RASGRP1: variants seen among roughly 807,000 people sequenced by gnomAD.
The protein encoded by RASGRP1 is RAS guanyl releasing protein 1.
In RASGRP1, 37 loss-of-function variants were observed where a neutral mutation model predicts 95.1. The observed-to-expected ratio is 0.39, with a 90% CI of 0.30 to 0.51. The LOEUF is 0.51. Among genes scored for constraint, RASGRP1 ranks in the 20% least tolerant of loss-of-function variants. The pLI, the probability that RASGRP1 is intolerant of heterozygous loss-of-function variation, is 0.80. For missense variants in RASGRP1, 711 were observed against 965.4 expected (o/e 0.74, Z 3.49); for synonymous variants, 325 against 353.4 (o/e 0.92, Z 0.90).
chr15:38,560,601 T>G (rs375412964), intron 1 of RASGRP1, among the ~76,000 whole-genome samples: 1 of 152,322 alleles, frequency 6.6e-6, no homozygotes, highest in East Asian at 1.9e-4. Flanking sequence ...AGGACTCAAG[T>G]GCAGGAAGTG....
chr15:38,501,247 T>G lies in RASGRP1; in HGVS notation c.1579A>C (p.Met527Leu). 1 of 1,612,988 alleles carries G rather than the reference T, an allele frequency of 6.2e-7. No homozygotes were observed. Among genetic ancestry groups the G allele is most frequent in the South Asian group, 1.1e-5 (1 of 90,984 alleles). ...ISRDEITAYF[M>L]RASSIYSKLG... is the part of the protein sequence containing the mutation. ...TTGGAATAGATTGAGCTGGCTCTCA[T>G]GAAGTAGGCTGTGATCTCATCCCTG... is the stretch of plus-strand genomic sequence containing the variant. Residue 527 changes from methionine (M) to leucine (L), a missense_variant, in exon 13 of 17, where the codon ATG (methionine) becomes CTG (leucine). By Grantham distance (15) the Met-to-Leu change is conservative (BLOSUM62 2). Coordinates refer to ENST00000310803, the MANE Select transcript of RASGRP1 (RefSeq NM_005739.4).
intron 2 of RASGRP1, among the ~76,000 whole-genome samples, chr15:38,535,046 T>C (rs745603327): frequency 6.6e-6 from 1 of 152,206 alleles, no homozygotes; most frequent in Admixed American, 6.5e-5. Flanking sequence ...ATGTTACGTT[T>C]TTGTGGCACT....
intron 16 of RASGRP1, 114 bp from the exon 17 acceptor site, chr15:38,490,802 A>G (rs1890545089): frequency 1.8e-6 from 2 of 1,132,120 alleles, no homozygotes; most frequent in Admixed American, 2.6e-5. Context: ...CTGAGAATTA[A>G]CAACCATTTT....
At position 38,507,132 on chromosome 15, in the gene RASGRP1, G is replaced by C. The variant is rs150015462; in HGVS notation, c.1242+594C>G. ...TCGTTTGAGGAGAGGAATCTTGGACGGTTATATGTCCATAGTCACACAGCT... is the reference window on the plus strand; with the variant it reads ...TCGTTTGAGGAGAGGAATCTTGGACCGTTATATGTCCATAGTCACACAGCT... On this transcript the variant is annotated intron_variant, in intron 9 of 16. Transcript: ENST00000310803. Among the ~76,000 whole-genome samples the C allele has an allele frequency of 4.6e-5, 7 of 152,270 alleles. No homozygotes were observed. In the East Asian group the frequency reaches 1.4e-3, roughly 29 times the overall value.
At chr15:38,543,871 C>T (rs1239613419) in intron 2 of RASGRP1, among the ~76,000 whole-genome samples, 1 of 151,972 alleles carries the variant, frequency 6.6e-6, no homozygotes. Flanking sequence ...CTAATTCCAA[C>T]ATTTGTGTCA....
chr15:38,495,129 T>A (rs1890747869), intron 15 of RASGRP1, among the ~76,000 whole-genome samples: 1 of 152,166 alleles, frequency 6.6e-6, no homozygotes, highest in South Asian at 2.1e-4. Context: ...TAAATACTTT[T>A]TTGGACCCTG....
intron 12 of RASGRP1, among the ~76,000 whole-genome samples, chr15:38,501,661 A>G (rs1219443041): frequency 6.6e-6 from 1 of 152,234 alleles, no homozygotes; most frequent in South Asian, 2.1e-4. Context: ...CCCACTAACC[A>G]TATGATTAGT....
intron 2 of RASGRP1, among the ~76,000 whole-genome samples, chr15:38,532,517 G>T (rs1044838256): frequency 6.6e-6 from 1 of 152,202 alleles, no homozygotes; most frequent in African/African-American, 2.4e-5. Flanking sequence ...GTTAGACTCA[G>T]TGCTGGCATC....
chr15:38,511,545 A>C, intron 8 of RASGRP1, 59 bp downstream of exon 8: 1 of 1,348,662 alleles, frequency 7.4e-7, no homozygotes, highest in East Asian at 2.3e-5. Flanking sequence ...CAAGGAGAAA[A>C]TGTTGGCACA....
intron 10 of RASGRP1, chr15:38,504,172 C>T (rs957449979): frequency 6.6e-6 from 1 of 152,096 alleles, no homozygotes; most frequent in Non-Finnish European, 1.5e-5. Flanking sequence ...TGTGGCAAGT[C>T]GTGAGTGGTG....
chr15:38,518,204 G>A lies in RASGRP1; in HGVS notation c.521+88C>T, dbSNP rs751130852. 2.6e-4 allele frequency: 339 copies of A among 1,307,556 alleles called. 2 individuals carry two copies. The highest frequency in any genetic ancestry group is 2.6e-3 in the Middle Eastern group (14 of 5,408). 81.0% of individuals were successfully genotyped at this position (1,307,556 alleles called of 1,614,324 possible). A position where few individuals can be genotyped will look rare whatever the true frequency, so the allele number is the denominator to read the frequency against. ...GTGGAGAAAGAGAGCAGCAGTCACC[G>A]CTGGGGGTCAGAAGCCCAACAAGCA... On this transcript the variant is annotated intron_variant, in intron 5 of 16. Transcript: ENST00000310803.
Position 38,548,399 on chromosome 15 carries a change from C to CA in RASGRP1, c.220+11421dup, listed in dbSNP as rs796270142. 9.0e-4 allele frequency among the ~76,000 whole-genome samples: 137 copies of CA among 152,030 alleles called. 1 individual carries two copies. The highest frequency in any genetic ancestry group is 3.1e-3 in the African/African-American group (128 of 41,438). On this transcript the variant is annotated intron_variant, in intron 2 of 16. Transcript: ENST00000310803. Reference sequence around the variant, plus strand: ...GCAACACAGTGAGACCCTGTCTCTACAAAAAAATACGCATACACACACAAA... The same window carrying CA: ...GCAACACAGTGAGACCCTGTCTCTACAAAAAAAATACGCATACACACACAAA...
At chr15:38,537,889 C>T (rs1225663299) in intron 2 of RASGRP1, among the ~76,000 whole-genome samples, 1 of 152,198 alleles carries the variant, frequency 6.6e-6, no homozygotes. Flanking sequence ...GAAGTGAGAA[C>T]TGCACCGGTG....
chr15:38,512,130 C>T (rs938765545), intron 7 of RASGRP1, among the ~76,000 whole-genome samples: 2 of 152,210 alleles, frequency 1.3e-5, no homozygotes, highest in African/African-American at 4.8e-5. Context: ...GAGCTGTTGA[C>T]TTTGAGAAAC....
intron 1 of RASGRP1, among the ~76,000 whole-genome samples, chr15:38,564,036 G>C (rs551762112): frequency 4.9e-4 from 74 of 152,330 alleles, no homozygotes; most frequent in African/African-American, 1.7e-3. Context: ...ATCATAGTGA[G>C]GGGGAGAGGA....
intron 2 of RASGRP1, among the ~76,000 whole-genome samples, chr15:38,548,289 G>A (rs1187444487): frequency 6.6e-6 from 1 of 152,160 alleles, no homozygotes; most frequent in South Asian, 2.1e-4. Context: ...GAGGTCGGGT[G>A]CAGTGGCTCA....
At chr15:38,523,533 T>A (rs1285201712) in intron 3 of RASGRP1, among the ~76,000 whole-genome samples, 2 of 152,004 alleles carry the variant, frequency 1.3e-5, no homozygotes, top group African/African-American at 4.8e-5. Context: ...GAAAGAAAAA[T>A]ATTTTTTATC....
intron 10 of RASGRP1, among the ~76,000 whole-genome samples, chr15:38,505,177 T>G (rs544201375): frequency 1.3e-5 from 2 of 152,302 alleles, no homozygotes; most frequent in Admixed American, 6.5e-5. Context: ...TCACTTGTTT[T>G]GGGGTTTGGA....
At chr15:38,535,974 A>G (rs1595867439) in intron 2 of RASGRP1, among the ~76,000 whole-genome samples, 1 of 152,284 alleles carries the variant, frequency 6.6e-6, no homozygotes, top group East Asian at 1.9e-4. Flanking sequence ...TAGGAAATAA[A>G]CAGAAGAGCA....
Sources: gnomAD v4.1 joint callset for allele counts (sites outside exome capture counted in the v4.1 genomes callset) on GRCh38, gnomAD v4.1.1 for gene constraint, MANE v1.5 for transcripts, NCBI Gene and HGNC (gene_info 2026-07-23, HGNC 2026-07-21) for gene names.